CREB3L1: variants seen among roughly 807,000 people sequenced by gnomAD.
CREB3L1 encodes the protein cAMP responsive element binding protein 3 like 1.
In CREB3L1, 33 loss-of-function variants were observed where a neutral mutation model predicts 54.5. That is an observed-to-expected ratio of 0.61 (90% CI 0.46 to 0.81). The LOEUF (loss-of-function observed/expected upper bound fraction) is 0.81. CREB3L1 is among the 30% of genes least tolerant of loss of function. The probability of loss-of-function intolerance (pLI) is 0.00; values close to 1 mark genes in which losing one functional copy is unlikely to be tolerated. For missense variants in CREB3L1, 656 were observed against 673.3 expected (o/e 0.97, Z 0.29); for synonymous variants, 284 against 286.4 (o/e 0.99, Z 0.08).
chr11:46,288,699 G>A (rs1939091295), intron 1 of CREB3L1, among the ~76,000 whole-genome samples: 1 of 152,210 alleles, frequency 6.6e-6, no homozygotes, highest in South Asian at 2.1e-4. Context: ...AACCCAGTGT[G>A]TGGAGTGGGG....
At chr11:46,280,354 A>ATT (rs904702193) in intron 1 of CREB3L1, among the ~76,000 whole-genome samples, 2 of 150,266 alleles carry the variant, frequency 1.3e-5, no homozygotes, top group African/African-American at 4.9e-5. Context: ...CGCCCGGCTA[A>ATT]TTTTTTTTTA....
At chr11:46,317,301 T>C (rs1486677783) in intron 9 of CREB3L1, 60 bp from the exon 10 acceptor site, 1 of 1,598,718 alleles carries the variant, frequency 6.3e-7, no homozygotes, top group East Asian at 2.2e-5. Context: ...AGGAGTGGGG[T>C]GGTCAGGGCC....
intron 8 of CREB3L1, chr11:46,315,232 C>T: frequency 4.1e-6 from 1 of 244,214 alleles, no homozygotes; most frequent in Non-Finnish European, 8.4e-6. Context: ...TCCCACCTGA[C>T]CCCCCACCCC....
At chr11:46,300,937 G>A (rs1458171626) in intron 2 of CREB3L1, among the ~76,000 whole-genome samples, 7 of 150,772 alleles carry the variant, frequency 4.6e-5, no homozygotes, top group South Asian at 2.1e-4. Context: ...CCCGGGAGGC[G>A]GAGCTTGCAG....
intron 1 of CREB3L1, among the ~76,000 whole-genome samples, chr11:46,298,584 G>A (rs1271332458): frequency 2.0e-5 from 3 of 152,008 alleles, no homozygotes; most frequent in Admixed American, 6.6e-5. Flanking sequence ...CTGTAGTCCC[G>A]GCTGCTTGGG....
At chr11:46,293,650 T>G (rs999140442) in intron 1 of CREB3L1, among the ~76,000 whole-genome samples, 10 of 152,200 alleles carry the variant, frequency 6.6e-5, no homozygotes, top group Admixed American at 5.2e-4. Context: ...TGTTGGCGCT[T>G]TCTTCAGTCC....
Position 46,307,855 on chromosome 11 carries a change from G to A in CREB3L1, c.371G>A (p.Cys124Tyr), listed in dbSNP as rs1478746405. The stretch of plus-strand genomic sequence containing the variant: ...GCATGGGCGCTGGGACACAAACTGT[G>A]CTCCATCATGGTGAAGCAGGAGCAG... Reference protein sequence around the residue: ...HGAWALGHKLCSIMVKQEQSP... With the variant: ...HGAWALGHKLYSIMVKQEQSP... The change falls in exon 3 of 12, where the codon TGC (cysteine) becomes TAC (tyrosine). Residue 124 changes from cysteine to tyrosine, a missense_variant. This residue lies in a region of CREB3L1 where 339 missense variants were observed against 331.5 expected (regional missense o/e 1.02). Coordinates refer to ENST00000621158, the MANE Select transcript of CREB3L1 (RefSeq NM_052854.4). The A allele has an allele frequency of 6.3e-7, 1 of 1,583,022 alleles. No individual in the cohort carries two copies. The highest frequency in any genetic ancestry group is 1.2e-5 in the South Asian group (1 of 86,346).
chr11:46,290,659 C>G (rs1249965564), intron 1 of CREB3L1, among the ~76,000 whole-genome samples: 1 of 151,862 alleles, frequency 6.6e-6, no homozygotes, highest in African/African-American at 2.4e-5. Context: ...CTTCAGAGGA[C>G]TAACAGGGAG....
chr11:46,305,720 GTGTGTGTGTGTGTA>G lies in CREB3L1; in HGVS notation c.332-2094_332-2081del, dbSNP rs1219756561. Among the ~76,000 whole-genome samples, 13 of 119,874 alleles carry G rather than the reference GTGTGTGTGTGTGTA, an allele frequency of 1.1e-4. No individual in the cohort carries two copies. In the South Asian group the frequency reaches 2.1e-3, roughly 20 times the overall value. The allele number at this position is 119,874 out of a possible 152,430, so 78.6% of individuals were successfully genotyped here. A position where few individuals can be genotyped will look rare whatever the true frequency, so the allele number is the denominator to read the frequency against. The stretch of plus-strand genomic sequence containing the variant: ...TGTGTGTGTGTGTGTGTGTGTGTGT[GTGTGTGTGTGTGTA>G]TATATATATATATTTTTTTTTAAGA... On this transcript the variant is annotated intron_variant, in intron 2 of 11. Coordinates refer to ENST00000621158, the MANE Select transcript of CREB3L1 (RefSeq NM_052854.4).
At chr11:46,300,501 G>A (rs977885832) in intron 2 of CREB3L1, among the ~76,000 whole-genome samples, 3 of 152,372 alleles carry the variant, frequency 2.0e-5, no homozygotes, top group South Asian at 2.1e-4. Context: ...GTAGGGCCCA[G>A]CCTTCCAGGT....
At chr11:46,299,030 A>T (rs938264173) in intron 1 of CREB3L1, among the ~76,000 whole-genome samples, 18 of 152,192 alleles carry the variant, frequency 1.2e-4, no homozygotes, top group African/African-American at 4.3e-4. Context: ...TCTAAGAAAT[A>T]TATTTTACAT....
chr11:46,312,031 G>A (rs1419804996), intron 5 of CREB3L1, among the ~76,000 whole-genome samples: 1 of 152,180 alleles, frequency 6.6e-6, no homozygotes, highest in Non-Finnish European at 1.5e-5. Flanking sequence ...GTCTGAGGGA[G>A]ATGCTGTTTG....
chr11:46,300,604 C>T (rs1939282634), intron 2 of CREB3L1, among the ~76,000 whole-genome samples: 1 of 152,176 alleles, frequency 6.6e-6, no homozygotes, highest in African/African-American at 2.4e-5. Flanking sequence ...TGTGGTGGCT[C>T]ACGCTTGTAA....
intron 1 of CREB3L1, among the ~76,000 whole-genome samples, chr11:46,292,879 T>C (rs1345901580): frequency 1.3e-5 from 2 of 152,138 alleles, no homozygotes; most frequent in Non-Finnish European, 2.9e-5. Flanking sequence ...ACCTTGGCCT[T>C]CCAAAGTGCT....
chr11:46,315,946 A>G, intron 8 of CREB3L1: 1 of 258,616 alleles, frequency 3.9e-6, no homozygotes. Context: ...GGTGCCAGGG[A>G]GGGAAGGTCA....
intron 4 of CREB3L1, 67 bp downstream of exon 4, chr11:46,310,134 T>C: frequency 2.5e-6 from 3 of 1,204,298 alleles, no homozygotes; most frequent in Non-Finnish European, 3.6e-6. Flanking sequence ...CCCACTTCCT[T>C]GGTTCAGCCC....
intron 1 of CREB3L1, among the ~76,000 whole-genome samples, chr11:46,298,938 T>A (rs1448583293): frequency 6.6e-6 from 1 of 152,168 alleles, no homozygotes; most frequent in Non-Finnish European, 1.5e-5. Flanking sequence ...TATTACCAGC[T>A]GTACAGAGGA....
At chr11:46,316,785 C>T (rs1009021526) in intron 9 of CREB3L1, among the ~76,000 whole-genome samples, 3 of 152,196 alleles carry the variant, frequency 2.0e-5, no homozygotes, top group Non-Finnish European at 1.5e-5. Flanking sequence ...CCTGGAAACC[C>T]GGAAGGCTCC....
intron 2 of CREB3L1, among the ~76,000 whole-genome samples, chr11:46,305,686 A>G (rs551011599): frequency 1.1e-4 from 8 of 74,488 alleles, no homozygotes; most frequent in South Asian, 4.7e-4. Context: ...GTGTGTGTGT[A>G]TATATGTGTG....
Sources: allele counts gnomAD v4.1 joint callset (sites outside exome capture counted in the v4.1 genomes callset), GRCh38; gene constraint gnomAD v4.1.1; regional missense constraint gnomAD v4.1.1; transcripts MANE v1.5; gene names NCBI Gene and HGNC (gene_info 2026-07-23, HGNC 2026-07-21).